ANKRD44: variants seen among roughly 807,000 people sequenced by gnomAD.
ANKRD44 encodes ankyrin repeat domain 44.
In ANKRD44, 35 loss-of-function variants were observed where a neutral mutation model predicts 116.0. The ratio of observed to expected loss-of-function variants is 0.30; its 90% CI spans 0.23 to 0.40. The LOEUF is 0.40. Ranked by LOEUF, ANKRD44 falls within the 10% of genes least tolerant of loss-of-function variation. The pLI is 1.00. For missense variants in ANKRD44, 1,014 were observed against 1,242.6 expected, an observed-to-expected ratio of 0.82 and a Z score of 2.77; for synonymous variants, 435 against 461.8, an observed-to-expected ratio of 0.94 and a Z score of 0.74.
At chr2:197,262,461 C>A (rs757807302) in intron 1 of ANKRD44, among the ~76,000 whole-genome samples, 3 of 152,184 alleles carry the variant, frequency 2.0e-5, no homozygotes, top group Non-Finnish European at 4.4e-5. Flanking sequence ...TTGACCTACC[C>A]CCTAGTGGGT....
intron 1 of ANKRD44, among the ~76,000 whole-genome samples, chr2:197,215,431 G>A (rs1241584005): frequency 8.5e-5 from 13 of 152,266 alleles, no homozygotes; most frequent in Middle Eastern, 6.8e-3. Flanking sequence ...CAGTGCAGGG[G>A]GTTAGAAGGT....
chr2:197,153,856 G>T (rs2079728922), intron 2 of ANKRD44, among the ~76,000 whole-genome samples: 1 of 152,140 alleles, frequency 6.6e-6, no homozygotes, highest in Non-Finnish European at 1.5e-5. Context: ...AGAGAGAAAG[G>T]TGGGGAAGGG....
At chr2:196,995,850 A>C (rs952362877) in intron 25 of ANKRD44, among the ~76,000 whole-genome samples, 3 of 152,218 alleles carry the variant, frequency 2.0e-5, no homozygotes. Flanking sequence ...CTATTTCAAG[A>C]CGTCAGTTAC....
At chr2:197,304,245 C>T (rs928818193) in intron 1 of ANKRD44, among the ~76,000 whole-genome samples, 4 of 152,032 alleles carry the variant, frequency 2.6e-5, no homozygotes, top group Non-Finnish European at 5.9e-5. Context: ...AGGGGGTCGG[C>T]GGGGGTTGCA....
intron 2 of ANKRD44, 108 bp downstream of exon 2, chr2:197,186,915 T>A: frequency 1.2e-6 from 1 of 834,216 alleles, no homozygotes; most frequent in Admixed American, 2.0e-5. Flanking sequence ...TGAGAAACAG[T>A]CTGGAGCTTT....
chr2:197,100,130 A>G (rs1185574642), intron 9 of ANKRD44, among the ~76,000 whole-genome samples, 200 bp from the exon 10 acceptor site: 3 of 152,236 alleles, frequency 2.0e-5, no homozygotes, highest in African/African-American at 4.8e-5. Context: ...CTGCGTAGAC[A>G]GAAGTCTATT....
chr2:197,050,284 C>G (rs2077082106), intron 16 of ANKRD44, among the ~76,000 whole-genome samples: 1 of 152,202 alleles, frequency 6.6e-6, no homozygotes, highest in South Asian at 2.1e-4. Flanking sequence ...CGCCTCCCAC[C>G]AGGCCCCACC....
At chr2:197,085,692 A>ACTC (rs2077904856) in intron 13 of ANKRD44, among the ~76,000 whole-genome samples, 1 of 151,804 alleles carries the variant, frequency 6.6e-6, no homozygotes, top group Non-Finnish European at 1.5e-5. Flanking sequence ...TGAATAATCC[A>ACTC]CCCCTTGTTT....
At chr2:197,262,669 C>T (rs2082635322) in intron 1 of ANKRD44, among the ~76,000 whole-genome samples, 1 of 152,072 alleles carries the variant, frequency 6.6e-6, no homozygotes, top group Admixed American at 6.5e-5. Flanking sequence ...TTTGGAAGAC[C>T]GAGGCGGGTG....
intron 1 of ANKRD44, among the ~76,000 whole-genome samples, chr2:197,272,759 T>A (rs1165859617): frequency 6.6e-6 from 1 of 152,138 alleles, no homozygotes; most frequent in Non-Finnish European, 1.5e-5. Context: ...GAACCAGGAA[T>A]TGGACCCTCA....
chr2:197,076,603 G>C (rs577993681), intron 16 of ANKRD44, among the ~76,000 whole-genome samples: 1 of 151,992 alleles, frequency 6.6e-6, no homozygotes, highest in Non-Finnish European at 1.5e-5. Context: ...TTGCCACCCA[G>C]GTACTAAGCC....
intron 2 of ANKRD44, among the ~76,000 whole-genome samples, chr2:197,169,316 G>A (rs1191555075): frequency 6.6e-6 from 1 of 152,042 alleles, no homozygotes; most frequent in Non-Finnish European, 1.5e-5. Flanking sequence ...TAGTATCATA[G>A]CACACTTGGC....
intron 1 of ANKRD44, among the ~76,000 whole-genome samples, chr2:197,240,485 C>G (rs1003482051): frequency 4.0e-5 from 6 of 151,384 alleles, no homozygotes; most frequent in African/African-American, 1.2e-4. Flanking sequence ...AGAGAAAGAG[C>G]TGGGTAGGAA....
intron 16 of ANKRD44, among the ~76,000 whole-genome samples, chr2:197,052,011 C>T (rs780227623): frequency 2.0e-5 from 3 of 152,062 alleles, no homozygotes; most frequent in Non-Finnish European, 4.4e-5. Context: ...GGTTACCATC[C>T]GGGCAGTGCA....
At chr2:197,246,538 C>G (rs540323301) in intron 1 of ANKRD44, among the ~76,000 whole-genome samples, 4 of 151,710 alleles carry the variant, frequency 2.6e-5, no homozygotes, top group Admixed American at 6.6e-5. Flanking sequence ...GCCATCCCTA[C>G]AATGGGACCT....
chr2:197,171,776 A>G (rs761476385), intron 2 of ANKRD44, among the ~76,000 whole-genome samples: 13 of 152,146 alleles, frequency 8.5e-5, no homozygotes, highest in Non-Finnish European at 1.8e-4. Flanking sequence ...TAGCGGGAGG[A>G]AGCCAACCAT....
chr2:197,082,405 C>T (rs2077818472), intron 14 of ANKRD44, among the ~76,000 whole-genome samples: 1 of 152,072 alleles, frequency 6.6e-6, no homozygotes, highest in Non-Finnish European at 1.5e-5. Flanking sequence ...GGATCATAAG[C>T]CATTACTGAA....
rs143392554 is a variant in ANKRD44, at chr2:197,151,593, T to C, written c.112-4488A>G. ...AAGAAAGGGGAGGAGAAAGGAAAAA[T>C]AAGCACAGGAACTTTGGGCTACGTT... On this transcript the variant is annotated intron_variant, in intron 2 of 27. Transcript: ENST00000282272. 1.3e-3 allele frequency among the ~76,000 whole-genome samples: 191 copies of C among 152,136 alleles called. 1 individual carries two copies. The highest frequency in any genetic ancestry group is 6.8e-3 in the Middle Eastern group (2 of 294).
chr2:197,137,982 T>C (rs1404078367), intron 3 of ANKRD44, among the ~76,000 whole-genome samples: 1 of 152,164 alleles, frequency 6.6e-6, no homozygotes, highest in Admixed American at 6.5e-5. Flanking sequence ...TGCTGTGGCA[T>C]GAAATGAATG....
Sources: allele counts gnomAD v4.1 joint callset (sites outside exome capture counted in the v4.1 genomes callset), GRCh38; gene constraint gnomAD v4.1.1; transcripts MANE v1.5; gene names NCBI Gene and HGNC (gene_info 2026-07-23, HGNC 2026-07-21).